Variants in LRRTM1 observed in about 807,000 individuals in gnomAD.
The protein encoded by LRRTM1 is leucine-rich repeat transmembrane neuronal protein 1.
Under a neutral mutation model 37.3 loss-of-function variants are expected in LRRTM1, and 8 were observed. The observed-to-expected ratio is 0.21, with a 90% CI of 0.13 to 0.39. The LOEUF (loss-of-function observed/expected upper bound fraction) is 0.39. Among genes scored for constraint, LRRTM1 ranks in the 10% least tolerant of loss-of-function variants. The pLI is 1.00. For synonymous variants in LRRTM1, 326 were observed against 316.8 expected (o/e 1.03, Z -0.31); for missense variants, 557 against 691.0 (o/e 0.81, Z 2.17).
chr2:80,295,423 C>G (rs1675659317), intron 2 of LRRTM1, among the ~76,000 whole-genome samples: 1 of 152,190 alleles, frequency 6.6e-6, no homozygotes, highest in Non-Finnish European at 1.5e-5. Flanking sequence ...CCACCTACCT[C>G]TCTGAAGCCC....
At chr2:80,289,852 C>T (rs536979320) in intron 2 of LRRTM1, among the ~76,000 whole-genome samples, 3 of 152,272 alleles carry the variant, frequency 2.0e-5, no homozygotes, top group African/African-American at 7.2e-5. Flanking sequence ...TACTTGCCTC[C>T]CTGCTCCCTG....
chr2:80,292,819 G>A (rs1011515539), intron 2 of LRRTM1, among the ~76,000 whole-genome samples: 1 of 152,350 alleles, frequency 6.6e-6, no homozygotes, highest in East Asian at 1.9e-4. Flanking sequence ...ATAATCGGAA[G>A]TTAAAAGCAT....
Position 80,302,743 on chromosome 2 carries a change from G to C in LRRTM1, c.1077C>G (p.Ala359=), listed in dbSNP as rs1330989700. The C allele has an allele frequency of 5.6e-6, 9 of 1,613,140 alleles. No individual in the cohort carries two copies. Among genetic ancestry groups the C allele is most frequent in the Non-Finnish European group, 7.6e-6 (9 of 1,179,888 alleles). Residue 359 remains alanine, a synonymous_variant, in exon 2 of 2, where the codon GCC becomes GCG. Coordinates refer to ENST00000295057, the MANE Select transcript of LRRTM1 (RefSeq NM_178839.5). This position sits in a 1 kb window ranked among gnomAD's most constrained non-coding sequence, Gnocchi z 6.4. Reference sequence around the variant, plus strand: ...CGGCCCCATCCTCGCACAGGTGGAAGGCGTACACGGCGTCCAGGACGTCCT... The same window carrying C: ...CGGCCCCATCCTCGCACAGGTGGAACGCGTACACGGCGTCCAGGACGTCCT... ...QGEDVLDAVY[A]FHLCEDGAEP... is the part of the protein sequence containing the mutation.
At chr2:80,288,757 A>C (rs1362088926) in exon 3 of LRRTM1, 1 of 152,174 alleles carries the variant, frequency 6.6e-6, no homozygotes, top group African/African-American at 2.4e-5. Context: ...TCCCCCCACA[A>C]AGAGCTGGGC....
Position 80,303,678 on chromosome 2 carries a change from G to A in LRRTM1, c.142C>T (p.Arg48Trp). 6.2e-7 allele frequency: 1 copy of A among 1,611,076 alleles called. No individual in the cohort carries two copies. Among genetic ancestry groups the A allele is most frequent in the Non-Finnish European group, 8.5e-7 (1 of 1,178,276 alleles). Residue 48 changes from arginine to tryptophan, a missense_variant, in exon 2 of 2, where the codon CGG (arginine) becomes TGG (tryptophan). Physicochemically the swap from Arg to Trp is moderately radical, Grantham distance 101. Around this residue, in one of 5 missense-constraint regions of LRRTM1, gnomAD observed 140 missense variants for 138.1 expected, o/e 1.01. Coordinates refer to ENST00000295057, the MANE Select transcript of LRRTM1 (RefSeq NM_178839.5). This position sits in a 1 kb window ranked among gnomAD's most constrained non-coding sequence, Gnocchi z 7.7. ...GCPQLCRCEG[R>W]LLYCEALNLT... ...TTGAGCGCCTCGCAGTACAGCAGCC[G>A]CCCCTCGCACCGGCACAGCTGCGGG...
intron 2 of LRRTM1, among the ~76,000 whole-genome samples, chr2:80,289,666 A>C (rs1675069133): frequency 6.6e-6 from 1 of 152,210 alleles, no homozygotes; most frequent in Non-Finnish European, 1.5e-5. Flanking sequence ...ATCTTCCTAA[A>C]AACCAGCAAG....
At chr2:80,290,610 A>G (rs1489081053) in intron 2 of LRRTM1, among the ~76,000 whole-genome samples, 1 of 151,318 alleles carries the variant, frequency 6.6e-6, no homozygotes, top group East Asian at 1.9e-4. Flanking sequence ...TTTTTTTCCT[A>G]ATTACTCCCC....
downstream of LRRTM1, chr2:80,298,667 A>AT: frequency 6.6e-6 from 1 of 152,362 alleles, no homozygotes; most frequent in South Asian, 2.1e-4. Context: ...ATCATACCAA[A>AT]TGTCTGCCTT....
downstream of LRRTM1, among the ~76,000 whole-genome samples, chr2:80,301,287 G>A (rs1162749248): frequency 6.6e-6 from 1 of 152,146 alleles, no homozygotes; most frequent in South Asian, 2.1e-4. Context: ...CCTAAACATC[G>A]GGATTCTGCC....
rs1676376563 is a variant in LRRTM1 at position 80,302,111 on chromosome 2, C to T, written c.*140G>A. On this transcript the variant is annotated 3_prime_UTR_variant, in exon 2 of 2. Transcript: ENST00000295057. The surrounding 1 kb of genome is among the most constrained non-coding windows in gnomAD (Gnocchi z 6.4). Reference sequence around the variant, plus strand: ...ACACAATAAAGCTAAAATGTCAAGTCTCTGGGAGAGATCCCCTTAAAGTTT... The same window carrying T: ...ACACAATAAAGCTAAAATGTCAAGTTTCTGGGAGAGATCCCCTTAAAGTTT... The T allele has an allele frequency of 1.7e-6, 2 of 1,153,946 alleles. No homozygotes were observed. Among genetic ancestry groups the T allele is most frequent in the Non-Finnish European group, 1.2e-6 (1 of 841,844 alleles). 71.5% of individuals were successfully genotyped at this position (1,153,946 alleles called of 1,614,324 possible). A position where few individuals can be genotyped will look rare whatever the true frequency, so the allele number is the denominator to read the frequency against.
chr2:80,303,066 G>T lies in LRRTM1; in HGVS notation c.754C>A (p.Leu252Met), dbSNP rs902566485. Residue 252 changes from leucine to methionine, a missense_variant, in exon 2 of 2, where the codon CTG becomes ATG. Coordinates refer to ENST00000295057, the MANE Select transcript of LRRTM1 (RefSeq NM_178839.5). This position sits in a 1 kb window ranked among gnomAD's most constrained non-coding sequence, Gnocchi z 7.7. ...RNKVAIVVSS[L>M]DWVWNLEKMD... ...TTCTCCAGGTTCCAAACCCAGTCCA[G>T]CGAGCTGACCACAATGGCCACCTTG... 3.1e-6 allele frequency: 5 copies of T among 1,613,884 alleles called. No individual in the cohort carries two copies. Among genetic ancestry groups the T allele is most frequent in the Non-Finnish European group, 3.4e-6 (4 of 1,180,008 alleles).
intron 2 of LRRTM1, among the ~76,000 whole-genome samples, chr2:80,290,747 A>G (rs1282337965): frequency 1.3e-5 from 2 of 152,152 alleles, no homozygotes; most frequent in Non-Finnish European, 2.9e-5. Context: ...TTGCTCCCTC[A>G]GTGCCATTTT....
Position 80,303,544 on chromosome 2 carries a change from C to G in LRRTM1, c.276G>C (p.Thr92=). 3.7e-6 allele frequency: 6 copies of G among 1,614,248 alleles called. No individual in the cohort carries two copies. The highest frequency in any genetic ancestry group is 4.2e-6 in the Non-Finnish European group (5 of 1,180,050). The change falls in exon 2 of 2, where the codon ACG becomes ACC. Residue 92 remains threonine (T), a synonymous_variant. Transcript: ENST00000295057. This position sits in a 1 kb window ranked among gnomAD's most constrained non-coding sequence, Gnocchi z 7.7. ...TGTGATTGTGATCCAGATAGAGCCA[C>G]GTGAGCTGCATTAACCCCGTGAACT... is the stretch of plus-strand genomic sequence containing the variant. ...AGQFTGLMQL[T]WLYLDHNHIC...
chr2:80,303,950 C>G lies in LRRTM1; in HGVS notation c.-59-72G>C. The G allele has an allele frequency of 8.9e-7, 1 of 1,129,642 alleles. No homozygotes were observed. 70.0% of individuals were successfully genotyped at this position (1,129,642 alleles called of 1,614,324 possible). A position where few individuals can be genotyped will look rare whatever the true frequency, so the allele number is the denominator to read the frequency against. ...AAAAGGGCAAAAAATCAAATAAATA[C>G]ATAGAAATAAAGAAGGACCCCCCTC... On this transcript the variant is annotated intron_variant, in intron 1 of 1. Transcript: ENST00000295057. This position sits in a 1 kb window ranked among gnomAD's most constrained non-coding sequence, Gnocchi z 7.7.
At chr2:80,295,407 G>C (rs1392645346) in intron 2 of LRRTM1, among the ~76,000 whole-genome samples, 1 of 152,004 alleles carries the variant, frequency 6.6e-6, no homozygotes, top group African/African-American at 2.4e-5. Context: ...CTGTTTTCCA[G>C]CATGTCCACC....
At chr2:80,298,247 C>T (rs190653985), downstream of LRRTM1, 43 of 152,192 alleles carry the variant, frequency 2.8e-4, no homozygotes, top group East Asian at 6.6e-3. Context: ...CTAGCTAATT[C>T]CTTTTTATTT....
At chr2:80,300,779 A>C (rs1361719935), downstream of LRRTM1, among the ~76,000 whole-genome samples, 4 of 152,104 alleles carry the variant, frequency 2.6e-5, no homozygotes, top group East Asian at 5.8e-4. Flanking sequence ...TTGTCATCTG[A>C]TGAAGGAGCC....
At position 80,302,270 on chromosome 2, in the gene LRRTM1, G is replaced by T; in HGVS notation, c.1550C>A (p.Ala517Glu). The change falls in exon 2 of 2, where the codon GCG (alanine) becomes GAG (glutamate). Residue 517 changes from alanine to glutamate, a missense_variant. By Grantham distance (107) the Ala-to-Glu change is moderately radical (BLOSUM62 -1). This residue lies in a region of LRRTM1 where 90 missense variants were observed against 149.4 expected (regional missense o/e 0.60). Coordinates refer to ENST00000295057, the MANE Select transcript of LRRTM1 (RefSeq NM_178839.5). The surrounding 1 kb of genome is among the most constrained non-coding windows in gnomAD (Gnocchi z 6.4). ...YGSCTCHQQPARECEV is the reference protein window; with the variant it reads ...YGSCTCHQQPERECEV ...GGACAATCACACCTCGCATTCCCTC[G>T]CGGGCTGCTGGTGGCAGGTACACGA... The T allele has an allele frequency of 6.2e-7, 1 of 1,613,664 alleles. No individual in the cohort carries two copies. The highest frequency in any genetic ancestry group is 8.5e-7 in the Non-Finnish European group (1 of 1,179,770).
In LRRTM1 at chr2:80,303,868, C is replaced by G. The variant is rs751326524; in HGVS notation, c.-49G>C. 2 of 1,466,316 alleles carry G rather than the reference C, an allele frequency of 1.4e-6. No individual in the cohort carries two copies. The highest frequency in any genetic ancestry group is 4.7e-5 in the East Asian group (2 of 42,294). The allele number at this position is 1,466,316 out of a possible 1,614,324, so 90.8% of individuals were successfully genotyped here. On this transcript the variant is annotated 5_prime_UTR_variant, in exon 2 of 2. Transcript: ENST00000295057. This position sits in a 1 kb window ranked among gnomAD's most constrained non-coding sequence, Gnocchi z 7.7. ...CTGGAGAATGTCCATTGGAAGCGCTCGGTCAGAAATCTACATCATATTTTA... is the reference window on the plus strand; with the variant it reads ...CTGGAGAATGTCCATTGGAAGCGCTGGGTCAGAAATCTACATCATATTTTA...
Sources: gnomAD v4.1 joint callset for allele counts (sites outside exome capture counted in the v4.1 genomes callset) on GRCh38, gnomAD v4.1.1 for gene constraint, gnomAD v4.1.1 regional missense constraint, Gnocchi (gnomAD v3.1) non-coding constraint, MANE v1.5 for transcripts, NCBI Gene and HGNC (gene_info 2026-07-23, HGNC 2026-07-21) for gene names.